The following EVL variants were observed in gnomAD, a reference collection of about 807,000 sequenced individuals.
EVL encodes the protein Enah/Vasp-like, also known as ena/VASP-like protein.
In EVL, 21 loss-of-function variants were observed where a neutral mutation model predicts 59.6. The observed-to-expected ratio is 0.35, with a 90% CI of 0.25 to 0.51. The LOEUF is 0.51. Ranked by LOEUF, EVL falls within the 20% of genes least tolerant of loss-of-function variation. The pLI is 0.97. For missense variants in EVL, 462 were observed against 546.6 expected (o/e 0.85, Z 1.54); for synonymous variants, 198 against 203.5 (o/e 0.97, Z 0.23).
At chr14:100,003,043 G>A (rs896931488) in intron 1 of EVL, among the ~76,000 whole-genome samples, 9 of 152,166 alleles carry the variant, frequency 5.9e-5, no homozygotes, top group Non-Finnish European at 8.8e-5. Flanking sequence ...ATAGGAGCCC[G>A]TATGCTGGTC....
At chr14:100,099,400 ACT>A (rs1491024907) in intron 3 of EVL, among the ~76,000 whole-genome samples, 1 of 152,118 alleles carries the variant, frequency 6.6e-6, no homozygotes, top group Non-Finnish European at 1.5e-5. Context: ...ACACACACAC[ACT>A]GTAGGAGAGT....
chr14:100,008,011 T>G (rs1458924888), intron 1 of EVL, among the ~76,000 whole-genome samples: 1 of 152,154 alleles, frequency 6.6e-6, no homozygotes, highest in Non-Finnish European at 1.5e-5. Context: ...ACACCCAACC[T>G]CATTTCCCAG....
chr14:100,052,124 A>G (rs2061657330), intron 1 of EVL, among the ~76,000 whole-genome samples: 1 of 152,170 alleles, frequency 6.6e-6, no homozygotes, highest in Non-Finnish European at 1.5e-5. Flanking sequence ...TGCCTTACCT[A>G]TCTGGTAGTT....
At chr14:100,081,747 C>G (rs1230282574) in intron 1 of EVL, among the ~76,000 whole-genome samples, 1 of 152,164 alleles carries the variant, frequency 6.6e-6, no homozygotes, top group African/African-American at 2.4e-5. Context: ...TCTCTTCCTC[C>G]TAGAACCCCA....
chr14:100,074,601 C>T (rs947854000), intron 1 of EVL: 1 of 152,942 alleles, frequency 6.5e-6, no homozygotes, highest in South Asian at 2.1e-4. Context: ...CTCACTTCCC[C>T]GCGCTGACTC....
rs1440367941 is a variant in EVL, at chr14:100,108,894, T to C, written c.358+11236T>C. Among the ~76,000 whole-genome samples, 1 of 152,214 alleles carries C rather than the reference T, an allele frequency of 6.6e-6. No homozygotes were observed. The highest frequency in any genetic ancestry group is 1.5e-5 in the Non-Finnish European group (1 of 68,036). On this transcript the variant is annotated intron_variant, in intron 3 of 13. Coordinates refer to ENST00000392920, the MANE Select transcript of EVL (RefSeq NM_016337.3). This position sits in a 1 kb window ranked among gnomAD's most constrained non-coding sequence, Gnocchi z 4.1. ...CTAGTCAGGTTGGAAATTCAGAAAG[T>C]GGCCTCTTTGTCTCTGGACCCCAAA...
chr14:100,060,302 G>A lies in EVL; in HGVS notation c.6-24385G>A, dbSNP rs142594874. Among the ~76,000 whole-genome samples the A allele has an allele frequency of 9.9e-5, 15 of 151,966 alleles. 1 individual carries two copies. Among genetic ancestry groups the A allele is most frequent in the African/African-American group, 3.1e-4 (13 of 41,470 alleles). On this transcript the variant is annotated intron_variant, in intron 1 of 13. Transcript: ENST00000402714. ...AAAAATTAGCCGGGCGTGGTGGCGG[G>A]CGCCTGTAGTCCCAGCTACGCGGGA... is the stretch of plus-strand genomic sequence containing the variant.
intron 5 of EVL, 151 bp downstream of exon 5, chr14:100,126,922 G>A (rs535304267): frequency 5.6e-5 from 39 of 695,302 alleles, no homozygotes; most frequent in African/African-American, 4.3e-4. Flanking sequence ...CAGATGGTGA[G>A]GGTAGCAAGA....
Position 100,106,409 on chromosome 14 carries a change from C to T in EVL, c.358+8751C>T, listed in dbSNP as rs138753426. 64 of 157,520 alleles carry T rather than the reference C, an allele frequency of 4.1e-4. 2 individuals are homozygous for T. The highest frequency in any genetic ancestry group is 1.5e-3 in the African/African-American group (63 of 41,808). The allele number at this position is 157,520 out of a possible 1,614,324, so 9.8% of individuals were successfully genotyped here. On this transcript the variant is annotated intron_variant, in intron 3 of 13. Coordinates refer to ENST00000392920, the MANE Select transcript of EVL (RefSeq NM_016337.3). Reference sequence around the variant, plus strand: ...CTCCAGCATCGTCACTGTGACGTTTCAGTCATCCATAGACCTCCCCTTCGT... The same window carrying T: ...CTCCAGCATCGTCACTGTGACGTTTTAGTCATCCATAGACCTCCCCTTCGT...
chr14:100,062,210 ATATATATATATG>A (rs1435362929), upstream of EVL, among the ~76,000 whole-genome samples: 1 of 32,174 alleles, frequency 3.1e-5, no homozygotes, highest in Non-Finnish European at 6.2e-5. Flanking sequence ...CTGTGTGTAT[ATATATATATATG>A]TATATATATA....
chr14:99,981,041 CGGCGGT>C (rs2060802660), intron 1 of EVL, among the ~76,000 whole-genome samples: 1 of 149,284 alleles, frequency 6.7e-6, no homozygotes. Flanking sequence ...TTGAGACCGG[CGGCGGT>C]GGGCAACATA....
chr14:100,125,253 TACACACACACACACACACACACAC>T (rs34556561), intron 4 of EVL, among the ~76,000 whole-genome samples: 3 of 119,562 alleles, frequency 2.5e-5, no homozygotes, highest in African/African-American at 3.5e-5. Context: ...AAGGCAGGAA[TACACACACACACACACACACACAC>T]ACACACACAC....
At chr14:99,999,951 G>A (rs1405631389) in intron 1 of EVL, among the ~76,000 whole-genome samples, 3 of 152,196 alleles carry the variant, frequency 2.0e-5, no homozygotes, top group Non-Finnish European at 4.4e-5. Flanking sequence ...GCCATTTGAA[G>A]CCTTTAGAAG....
At chr14:100,085,931 G>T (rs111625437) in intron 2 of EVL, among the ~76,000 whole-genome samples, 1,832 of 152,200 alleles carry the variant, frequency 0.012, 44 homozygotes, top group African/African-American at 0.04. Flanking sequence ...TTCAAGACCA[G>T]CCTGGCTAAC....
intron 8 of EVL, among the ~76,000 whole-genome samples, chr14:100,133,278 C>G (rs1356518458): frequency 6.6e-6 from 1 of 152,264 alleles, no homozygotes; most frequent in Non-Finnish European, 1.5e-5. Flanking sequence ...CAGCCCAGAG[C>G]CAGCCTGGCT....
upstream of EVL, among the ~76,000 whole-genome samples, chr14:100,063,967 G>A (rs185355593): frequency 3.3e-5 from 5 of 152,254 alleles, no homozygotes; most frequent in East Asian, 1.9e-4. Context: ...AAAATTTAAC[G>A]AAGCACTTAT....
intron 1 of EVL, among the ~76,000 whole-genome samples, chr14:100,030,175 C>T (rs1027704018): frequency 6.6e-6 from 1 of 151,374 alleles, no homozygotes; most frequent in East Asian, 1.9e-4. Context: ...TCACTGCAAC[C>T]TCCGCCTCCT....
chr14:99,982,352 T>A (rs2060812475), intron 1 of EVL, among the ~76,000 whole-genome samples: 1 of 152,236 alleles, frequency 6.6e-6, no homozygotes, highest in African/African-American at 2.4e-5. Context: ...TACTATAATT[T>A]ATTCGTAATA....
chr14:100,067,194 C>T (rs1410785785), intron 1 of EVL, among the ~76,000 whole-genome samples: 2 of 152,192 alleles, frequency 1.3e-5, no homozygotes, highest in Middle Eastern at 3.2e-3. Flanking sequence ...AAGCAGCGTT[C>T]GTGGAGCTGC....
Sources: gnomAD v4.1 joint callset for allele counts (sites outside exome capture counted in the v4.1 genomes callset) on GRCh38, gnomAD v4.1.1 for gene constraint, Gnocchi (gnomAD v3.1) non-coding constraint, MANE v1.5 for transcripts, NCBI Gene and HGNC (gene_info 2026-07-23, HGNC 2026-07-21) for gene names.